STK3: variants seen among roughly 807,000 people sequenced by gnomAD.
STK3 encodes serine/threonine kinase 3.
STK3 carries 41 observed loss-of-function variants against 58.0 expected under a neutral mutation model. The observed-to-expected ratio is 0.71, with a 90% CI of 0.55 to 0.92. The LOEUF (loss-of-function observed/expected upper bound fraction) is 0.92. Ranked by LOEUF, STK3 falls within the 40% of genes least tolerant of loss-of-function variation. The pLI is 0.00. For missense variants in STK3, 479 were observed against 602.7 expected, an observed-to-expected ratio of 0.79 and a Z score of 2.15; for synonymous variants, 170 against 191.0, an observed-to-expected ratio of 0.89 and a Z score of 0.91.
intron 8 of STK3, among the ~76,000 whole-genome samples, chr8:98,564,733 T>C (rs1172588170): frequency 2.6e-5 from 4 of 152,140 alleles, no homozygotes; most frequent in Non-Finnish European, 4.4e-5. Flanking sequence ...CTTTACCCTG[T>C]AAATATGTAT....
intron 3 of STK3, among the ~76,000 whole-genome samples, chr8:98,835,970 G>A (rs527688287): frequency 6.6e-6 from 1 of 152,304 alleles, no homozygotes; most frequent in South Asian, 2.1e-4. Context: ...GGAGGCCAAG[G>A]TGGGCAGATC....
chr8:98,661,725 C>T (rs1236596651), intron 6 of STK3, among the ~76,000 whole-genome samples: 1 of 152,022 alleles, frequency 6.6e-6, no homozygotes, highest in African/African-American at 2.4e-5. Context: ...TAATCTACAC[C>T]CACATTCTCT....
intron 1 of STK3, among the ~76,000 whole-genome samples, chr8:98,804,752 T>A (rs1488068689): frequency 2.0e-5 from 3 of 152,248 alleles, no homozygotes; most frequent in Non-Finnish European, 4.4e-5. Flanking sequence ...AGATGAACTT[T>A]TAGCTTCTTT....
chr8:98,482,810 T>C (rs887828685), intron 10 of STK3, among the ~76,000 whole-genome samples: 2 of 152,240 alleles, frequency 1.3e-5, no homozygotes, highest in African/African-American at 4.8e-5. Context: ...TTTCTAAGGA[T>C]AACAGAGTAT....
intron 4 of STK3, chr8:98,720,980 A>T: frequency 1.9e-6 from 1 of 539,028 alleles, no homozygotes; most frequent in Non-Finnish European, 2.4e-6. Context: ...TACCTGCCCC[A>T]GCTCAGCATT....
intron 3 of STK3, chr8:98,429,333 G>A (rs1818295403): frequency 1.2e-6 from 2 of 1,614,214 alleles, no homozygotes; most frequent in African/African-American, 1.3e-5. Flanking sequence ...TGCCCATAAA[G>A]TTAAATCCCT....
intron 1 of STK3, among the ~76,000 whole-genome samples, chr8:98,909,716 C>G (rs1016359576): frequency 6.6e-6 from 1 of 152,204 alleles, no homozygotes; most frequent in Admixed American, 6.5e-5. Flanking sequence ...AAATAATATT[C>G]CACTGTATAA....
At chr8:98,496,562 C>A (rs541939992) in intron 10 of STK3, among the ~76,000 whole-genome samples, 22 of 152,158 alleles carry the variant, frequency 1.4e-4, no homozygotes, top group African/African-American at 4.3e-4. Context: ...CAGAAATTGA[C>A]AAGCTAAACC....
At chr8:98,624,728 C>A (rs1480200412) in intron 6 of STK3, among the ~76,000 whole-genome samples, 1 of 152,010 alleles carries the variant, frequency 6.6e-6, no homozygotes, top group Non-Finnish European at 1.5e-5. Flanking sequence ...GTGGCAGATA[C>A]CTGTAATCCC....
intron 10 of STK3, among the ~76,000 whole-genome samples, chr8:98,481,487 A>T (rs1421251750): frequency 1.3e-5 from 2 of 152,334 alleles, no homozygotes; most frequent in East Asian, 3.9e-4. Context: ...GAAGTAACTC[A>T]GGAAAGGAAA....
chr8:98,704,637 A>G (rs766305731), intron 6 of STK3, among the ~76,000 whole-genome samples: 91 of 152,204 alleles, frequency 6.0e-4, no homozygotes, highest in Admixed American at 1.0e-3. Flanking sequence ...TCTAAAAGAA[A>G]TATTATTTTC....
chr8:98,941,306 A>G (rs1840417900), intron 1 of STK3, among the ~76,000 whole-genome samples: 1 of 152,222 alleles, frequency 6.6e-6, no homozygotes, highest in Non-Finnish European at 1.5e-5. Flanking sequence ...TGGGTTCCCC[A>G]GGCGTCCTTG....
At chr8:98,388,933 T>C (rs954316638), upstream of STK3, among the ~76,000 whole-genome samples, 3 of 152,256 alleles carry the variant, frequency 2.0e-5, no homozygotes, top group Non-Finnish European at 4.4e-5. Flanking sequence ...CTTACATTAC[T>C]GAGAAAGTCA....
chr8:98,423,094 C>T (rs545872227), intron 3 of STK3, among the ~76,000 whole-genome samples: 166 of 152,312 alleles, frequency 1.1e-3, no homozygotes, highest in African/African-American at 3.3e-3. Flanking sequence ...CATCCAGTTC[C>T]CTTCTTGATG....
At chr8:98,620,231 C>G (rs1818153453) in intron 6 of STK3, among the ~76,000 whole-genome samples, 1 of 103,118 alleles carries the variant, frequency 9.7e-6, no homozygotes, top group Non-Finnish European at 1.9e-5. Context: ...AAACCAAACA[C>G]CGCATATTCT....
intron 1 of STK3, among the ~76,000 whole-genome samples, chr8:98,928,444 T>G (rs1352476669): frequency 6.6e-6 from 1 of 152,246 alleles, no homozygotes; most frequent in Non-Finnish European, 1.5e-5. Flanking sequence ...AAAATATACC[T>G]ATGCATCTCC....
chr8:98,782,797 T>G (rs1242889983), intron 1 of STK3, among the ~76,000 whole-genome samples: 1 of 150,740 alleles, frequency 6.6e-6, no homozygotes, highest in East Asian at 1.9e-4. Context: ...ATGAAATCAT[T>G]TGAAAAGGAA....
intron 3 of STK3, among the ~76,000 whole-genome samples, chr8:98,757,724 AAGT>A: frequency 6.6e-6 from 1 of 151,622 alleles, no homozygotes; most frequent in Non-Finnish European, 1.5e-5. Flanking sequence ...CTTTTTTTTT[AAGT>A]AATTCAAACA....
chr8:98,507,445 A>T (rs1433301794), intron 10 of STK3, among the ~76,000 whole-genome samples: 1 of 152,228 alleles, frequency 6.6e-6, no homozygotes, highest in Non-Finnish European at 1.5e-5. Context: ...GAACCTGACC[A>T]GTTCTTACTG....
Sources: gnomAD v4.1 joint callset for allele counts (sites outside exome capture counted in the v4.1 genomes callset) on GRCh38, gnomAD v4.1.1 for gene constraint, MANE v1.5 for transcripts, NCBI Gene and HGNC (gene_info 2026-07-23, HGNC 2026-07-21) for gene names.